The following TCEAL4 variants were observed in gnomAD, a reference collection of about 807,000 sequenced individuals.
The protein encoded by TCEAL4 is transcription elongation factor A like 4.
Under a neutral mutation model 1.3 loss-of-function variants are expected in TCEAL4, and 1 was observed. The observed-to-expected ratio is 0.79, with a 90% CI of 0.28 to 3.76. The LOEUF (loss-of-function observed/expected upper bound fraction) is 3.76, where lower values mean the gene tolerates loss of function less well. Among genes scored for constraint, TCEAL4 ranks in the 30% most tolerant of loss-of-function variants. The probability of loss-of-function intolerance (pLI) is 0.18; values close to 1 mark genes in which losing one functional copy is unlikely to be tolerated. For synonymous variants in TCEAL4, 54 were observed against 50.7 expected (o/e 1.06, Z -0.28); for missense variants, 129 against 154.7 (o/e 0.83, Z 0.88).
Position 103,586,630 on chromosome X carries a change from C to T in TCEAL4, c.-27-19C>T, listed in dbSNP as rs756857801. 5.4e-5 allele frequency: 64 copies of T among 1,195,378 alleles called. No homozygotes were observed. Among genetic ancestry groups the T allele is most frequent in the Non-Finnish European group, 5.2e-5 (46 of 889,130 alleles). ...ATGTCTCCTCTTTGTCTCCTCTTTC[C>T]TCCACCCCCATCCCCCAGGACAGGA... On this transcript the variant is annotated intron_variant, in intron 2 of 2. Coordinates refer to ENST00000472484, the MANE Select transcript of TCEAL4 (RefSeq NM_001006935.3).
intron 1 of TCEAL4, chrX:103,576,620 C>G (rs1336866338): frequency 1.9e-6 from 1 of 518,216 alleles, no homozygotes. Flanking sequence ...AAAAATTAGC[C>G]TGGTGTGGTG....
upstream of TCEAL4, among the ~76,000 whole-genome samples, chrX:103,582,263 C>G (rs2073511721): frequency 9.0e-6 from 1 of 111,435 alleles, no homozygotes; most frequent in East Asian, 2.8e-4. Context: ...AGTGAGGACC[C>G]AAACAAATGG....
At chrX:103,584,943 C>A (rs1323241124), upstream of TCEAL4, among the ~76,000 whole-genome samples, 1 of 112,621 alleles carries the variant, frequency 8.9e-6, no homozygotes, top group Non-Finnish European at 1.9e-5. Flanking sequence ...GATTAAAGTC[C>A]TGAACATTTC....
At position 103,585,574 on chromosome X, in the gene TCEAL4, C is replaced by G; in HGVS notation, c.-151C>G. 1.7e-6 allele frequency: 2 copies of G among 1,164,324 alleles called. No individual in the cohort carries two copies. The highest frequency in any genetic ancestry group is 2.3e-6 in the Non-Finnish European group (2 of 871,589). On this transcript the variant is annotated 5_prime_UTR_variant, in exon 1 of 3. Coordinates refer to ENST00000472484, the MANE Select transcript of TCEAL4 (RefSeq NM_001006935.3). The stretch of plus-strand genomic sequence containing the variant: ...CTGCCCTCTGTCCCCGCGGCTGGGT[C>G]TCGTCTGCTCCGGTTCCTGGGCTCC...
In TCEAL4 at chrX:103,586,661, A is replaced by T; in HGVS notation, c.-15A>T. 1 of 1,208,358 alleles carries T rather than the reference A, an allele frequency of 8.3e-7. No individual in the cohort carries two copies. The highest frequency in any genetic ancestry group is 1.1e-6 in the Non-Finnish European group (1 of 894,250). On this transcript the variant is annotated 5_prime_UTR_variant, in exon 3 of 3. Transcript: ENST00000472484. ...CCCCATCCCCCAGGACAGGAAAAGGAGGGGAAATCTCGACATGGAAAAACT... is the reference window on the plus strand; with the variant it reads ...CCCCATCCCCCAGGACAGGAAAAGGTGGGGAAATCTCGACATGGAAAAACT...
In TCEAL4 at chrX:103,587,478, G is replaced by A; in HGVS notation, c.*155G>A. On this transcript the variant is annotated 3_prime_UTR_variant, in exon 3 of 3. Coordinates refer to ENST00000472484, the MANE Select transcript of TCEAL4 (RefSeq NM_001006935.3). ...TCTGTTACATGGAAAAAATGTTGAT[G>A]GTGCATTGTAAAATTAAAAAACACA... 1 of 648,590 alleles carries A rather than the reference G, an allele frequency of 1.5e-6. No individual in the cohort carries two copies. The highest frequency in any genetic ancestry group is 2.3e-5 in the African/African-American group (1 of 44,233). The allele number at this position is 648,590 out of a possible 1,213,427, so 53.5% of individuals were successfully genotyped here.
At chrX:103,579,551 T>C (rs1314865676) in intron 2 of TCEAL4, among the ~76,000 whole-genome samples, 1 of 112,593 alleles carries the variant, frequency 8.9e-6, no homozygotes, top group Non-Finnish European at 1.9e-5. Flanking sequence ...GGAATTGTTT[T>C]CTTACTTTCC....
intron 1 of TCEAL4, among the ~76,000 whole-genome samples, chrX:103,576,707 T>A (rs2073485411): frequency 8.9e-6 from 1 of 112,217 alleles, no homozygotes; most frequent in Non-Finnish European, 1.9e-5. Context: ...GAGGTTGCAG[T>A]GAGCTGATAT....
Position 103,585,584 on chromosome X carries a change from C to G in TCEAL4, c.-141C>G. 8.6e-7 allele frequency: 1 copy of G among 1,165,574 alleles called. No homozygotes were observed. Among genetic ancestry groups the G allele is most frequent in the Non-Finnish European group, 1.1e-6 (1 of 872,442 alleles). ...TCCCCGCGGCTGGGTCTCGTCTGCT[C>G]CGGTTCCTGGGCTCCTAATTCTTGG... is the stretch of plus-strand genomic sequence containing the variant. On this transcript the variant is annotated 5_prime_UTR_variant, in exon 1 of 3. Transcript: ENST00000472484.
At chrX:103,582,146 T>C (rs2073511246), upstream of TCEAL4, among the ~76,000 whole-genome samples, 1 of 111,498 alleles carries the variant, frequency 9.0e-6, no homozygotes, top group African/African-American at 3.3e-5. Flanking sequence ...CCATTCACAA[T>C]TGCTACAAAA....
chrX:103,580,649 G>A (rs2073503685), upstream of TCEAL4, among the ~76,000 whole-genome samples: 1 of 111,204 alleles, frequency 9.0e-6, no homozygotes. Context: ...CGGAAACAGG[G>A]TTTTGCCATG....
At chrX:103,586,176 G>C (rs1355312025) in intron 1 of TCEAL4, 43 bp from the exon 2 acceptor site, 1 of 1,160,902 alleles carries the variant, frequency 8.6e-7, no homozygotes, top group Non-Finnish European at 1.1e-6. Flanking sequence ...GTGTGAGCCC[G>C]CTGAGCGCGC....
At position 103,586,789 on chromosome X, in the gene TCEAL4, C is replaced by T. The variant is rs771942991; in HGVS notation, c.114C>T (p.Asp38=). ...CAGAAGTAACTTGTACTCTGGAAGA[C>T]AAGAAGTTAGAAAACGAGGGAAAGA... ...RKPEVTCTLE[D]KKLENEGKTE... is the part of the protein sequence containing the mutation. The change falls in exon 3 of 3, where the codon GAC becomes GAT. Residue 38 remains aspartate, a synonymous_variant. Coordinates refer to ENST00000472484, the MANE Select transcript of TCEAL4 (RefSeq NM_001006935.3). 3.3e-6 allele frequency: 4 copies of T among 1,210,176 alleles called. No individual in the cohort carries two copies. In the East Asian group the frequency reaches 1.2e-4, roughly 36 times the overall value.
chrX:103,577,123 A>G (rs1164727267), exon 2 of TCEAL4: 35 of 1,165,629 alleles, frequency 3.0e-5, no homozygotes, highest in Non-Finnish European at 3.4e-5. Flanking sequence ...GAAGAGACAA[A>G]GTCCACATCT....
chrX:103,581,198 A>T (rs1356321279), upstream of TCEAL4, among the ~76,000 whole-genome samples: 1 of 111,708 alleles, frequency 9.0e-6, no homozygotes, highest in African/African-American at 3.3e-5. Flanking sequence ...TGAATCCCTG[A>T]ATAGGCCAAT....
At chrX:103,583,967 G>A (rs999150310), upstream of TCEAL4, among the ~76,000 whole-genome samples, 3 of 111,042 alleles carry the variant, frequency 2.7e-5, no homozygotes, top group African/African-American at 9.8e-5. Context: ...TCACTCTGTC[G>A]CCCAGACTGG....
rs763934711 is a variant in TCEAL4 at position 103,586,207 on chromosome X, G to C, written c.-100-12G>C. 1,767 of 1,164,633 alleles carry C rather than the reference G, an allele frequency of 1.5e-3. 4 individuals carry two copies. Among genetic ancestry groups the C allele is most frequent in the Non-Finnish European group, 1.7e-3 (1,472 of 872,643 alleles). On this transcript the variant is annotated splice_polypyrimidine_tract_variant and intron_variant, in intron 1 of 2. Transcript: ENST00000472484. ...CGCGCAGACCCTGCCCCTGTCTCCT[G>C]TCTGTCTGCAGGTCTGCGCGTCTGT...
intron 1 of TCEAL4, 57 bp from the exon 2 acceptor site, chrX:103,586,162 G>C: frequency 4.3e-6 from 5 of 1,159,764 alleles, no homozygotes; most frequent in Non-Finnish European, 5.8e-6. Flanking sequence ...AGGGAACCGC[G>C]TCCGTGTGAG....
chrX:103,584,193 G>A (rs759188235), upstream of TCEAL4, among the ~76,000 whole-genome samples: 89 of 111,357 alleles, frequency 8.0e-4, no homozygotes, highest in Middle Eastern at 4.2e-3. Flanking sequence ...TTCCCAAAGC[G>A]CTGGGATTAC....
Sources: gnomAD v4.1 joint callset for allele counts (sites outside exome capture counted in the v4.1 genomes callset) on GRCh38, gnomAD v4.1.1 for gene constraint, MANE v1.5 for transcripts, NCBI Gene and HGNC (gene_info 2026-07-23, HGNC 2026-07-21) for gene names.